ENTPD7: variants seen among roughly 807,000 people sequenced by gnomAD.
The protein encoded by ENTPD7 is NTPDase 7.
A neutral mutation model predicts 77.9 loss-of-function variants in ENTPD7; 53 were observed. The observed-to-expected ratio is 0.68, with a 90% CI of 0.55 to 0.85. ENTPD7 has a LOEUF of 0.85. Ranked by LOEUF, ENTPD7 falls within the 40% of genes least tolerant of loss-of-function variation. ENTPD7 has a pLI of 0.00. For synonymous variants in ENTPD7, 248 were observed against 274.9 expected (o/e 0.90, Z 0.97); for missense variants, 636 against 743.7 (o/e 0.86, Z 1.68).
chr10:99,686,578 A>G (rs2035813866), intron 6 of ENTPD7, among the ~76,000 whole-genome samples: 1 of 152,062 alleles, frequency 6.6e-6, no homozygotes, highest in African/African-American at 2.4e-5. Flanking sequence ...TCTTCTTAAT[A>G]TTCTATTTCT....
chr10:99,687,335 C>T (rs1408297968), intron 6 of ENTPD7, among the ~76,000 whole-genome samples: 6 of 113,572 alleles, frequency 5.3e-5, no homozygotes, highest in African/African-American at 1.0e-4. Flanking sequence ...GTCGTGGTCT[C>T]GGCCCACTGC....
chr10:99,709,981 T>C lies in ENTPD7; in HGVS notation c.*5298T>C. The C allele has an allele frequency of 1.0e-6, 1 of 985,444 alleles. No homozygotes were observed. Among genetic ancestry groups the C allele is most frequent in the South Asian group, 4.7e-5 (1 of 21,288 alleles). 61.0% of individuals were successfully genotyped at this position (985,444 alleles called of 1,614,324 possible). On this transcript the variant is annotated 3_prime_UTR_variant, in exon 13 of 13. Transcript: ENST00000370489. ...TCACTTTTAAAATGTAATCCATCAT[T>C]GCTTGCCATTTTTATGAAAACCAAA...
intron 3 of ENTPD7, among the ~76,000 whole-genome samples, chr10:99,675,144 T>C (rs919121068): frequency 3.3e-5 from 5 of 152,182 alleles, no homozygotes; most frequent in Non-Finnish European, 5.9e-5. Flanking sequence ...TCCTTGAAAA[T>C]GAGTGAAATA....
intron 3 of ENTPD7, among the ~76,000 whole-genome samples, chr10:99,663,189 A>T (rs777111408): frequency 6.6e-6 from 1 of 152,192 alleles, no homozygotes; most frequent in Non-Finnish European, 1.5e-5. Context: ...ATATGACTGA[A>T]AAAGTCCCTA....
In ENTPD7 at chr10:99,696,089, AC is replaced by A. The variant is rs1420146252; in HGVS notation, c.979del (p.Val328PhefsTer2). On this transcript the variant is annotated frameshift_variant, in exon 9 of 13. Transcript: ENST00000370489. LOFTEE classifies it high-confidence loss of function. ...GGNFARQRYE[D>X]LVLNETLNKN... ...AACTTTGCCCGGCAGCGCTACGAAGACCTTGTTCTGAATGAAACTCTTAACA... is the reference window on the plus strand; with the variant it reads ...AACTTTGCCCGGCAGCGCTACGAAGACTTGTTCTGAATGAAACTCTTAACA... The A allele has an allele frequency of 1.2e-6, 2 of 1,613,936 alleles. No individual in the cohort carries two copies.
chr10:99,679,442 C>T lies in ENTPD7; in HGVS notation c.373C>T (p.Pro125Ser), dbSNP rs780203334. The T allele has an allele frequency of 1.2e-6, 2 of 1,612,956 alleles. No homozygotes were observed. Among genetic ancestry groups the T allele is most frequent in the Non-Finnish European group, 1.7e-6 (2 of 1,179,658 alleles). Residue 125 changes from proline to serine, a missense_variant, in exon 4 of 13, where the codon CCA (proline) becomes TCA (serine). Pro to Ser is a moderately conservative substitution (Grantham distance 74, BLOSUM62 -1). Transcript: ENST00000370489. Reference sequence around the variant, plus strand: ...ACAGATGAGAGACCGCAACAGCCAACCAGTGGTTAAAAAAATCAAGCCAGG... The same window carrying T: ...ACAGATGAGAGACCGCAACAGCCAATCAGTGGTTAAAAAAATCAAGCCAGG... ...IKQMRDRNSQPVVKKIKPGIS... is the reference protein window; with the variant it reads ...IKQMRDRNSQSVVKKIKPGIS...
rs776683834 is a variant in ENTPD7 at position 99,704,680 on chromosome 10, G to A, written c.1812G>A (p.Pro604=). ...VVPMMGVQVG[P] ...CCATGATGGGAGTACAGGTGGGGCC[G>A]TGAGGCTGGACCAGGACTAGAGAAG... Residue 604 remains proline, a synonymous_variant, in exon 13 of 13, where the codon CCG becomes CCA. Transcript: ENST00000370489. The A allele has an allele frequency of 2.2e-5, 36 of 1,612,264 alleles. No individual in the cohort carries two copies. Among genetic ancestry groups the A allele is most frequent in the East Asian group, 4.5e-5 (2 of 44,802 alleles).
At chr10:99,663,928 G>A (rs1034494569) in intron 3 of ENTPD7, among the ~76,000 whole-genome samples, 3 of 151,986 alleles carry the variant, frequency 2.0e-5, no homozygotes, top group African/African-American at 7.2e-5. Flanking sequence ...ACTATGTGAT[G>A]TTTTCCCACA....
chr10:99,698,718 T>A lies in ENTPD7; in HGVS notation c.1195T>A (p.Ser399Thr). The A allele has an allele frequency of 4.3e-6, 7 of 1,614,240 alleles. No individual in the cohort carries two copies. The highest frequency in any genetic ancestry group is 5.9e-6 in the Non-Finnish European group (7 of 1,180,038). Residue 399 changes from serine (S) to threonine (T), a missense_variant, in exon 10 of 13, where the codon TCA (serine) becomes ACA (threonine). By Grantham distance (58) the Ser-to-Thr change is moderately conservative (BLOSUM62 1). This residue lies in a region of ENTPD7 where 486 missense variants were observed against 556.5 expected (regional missense o/e 0.87). Transcript: ENST00000370489. ...LLARSNTSQA[S>T]LNGIYQSPID... ...GGCTCGCTCCAACACCAGCCAGGCC[T>A]CACTCAATGGCATATATCAATCGCC... is the stretch of plus-strand genomic sequence containing the variant.
Position 99,696,011 on chromosome 10 carries a change from A to T in ENTPD7, c.899A>T (p.His300Leu), listed in dbSNP as rs369563076. The T allele has an allele frequency of 6.2e-7, 1 of 1,614,202 alleles. No homozygotes were observed. The highest frequency in any genetic ancestry group is 8.5e-7 in the Non-Finnish European group (1 of 1,180,020). The part of the protein sequence containing the change: ...AEFNLGCDVQ[H>L]TEHVYRVYVT... ...TTCAACCTGGGCTGTGATGTGCAAC[A>T]CACTGAACACGTGTACAGGGTTTAT... Residue 300 changes from histidine to leucine, a missense_variant, in exon 9 of 13, where the codon CAC (histidine) becomes CTC (leucine). His to Leu is a moderately conservative substitution (Grantham distance 99). Coordinates refer to ENST00000370489, the MANE Select transcript of ENTPD7 (RefSeq NM_020354.5).
In ENTPD7 at chr10:99,710,535, C is replaced by A; in HGVS notation, c.*5852C>A. ...GTTTTTTCTACTGCTTCACATTAAA[C>A]AATAATTTTGTTGAATTTTGAATTC... is the stretch of plus-strand genomic sequence containing the variant. On this transcript the variant is annotated 3_prime_UTR_variant, in exon 13 of 13. Coordinates refer to ENST00000370489, the MANE Select transcript of ENTPD7 (RefSeq NM_020354.5). 2.0e-6 allele frequency: 2 copies of A among 985,362 alleles called. No individual in the cohort carries two copies. The highest frequency in any genetic ancestry group is 2.4e-6 in the Non-Finnish European group (2 of 829,928). The allele number at this position is 985,362 out of a possible 1,614,324, so 61.0% of individuals were successfully genotyped here. A position where few individuals can be genotyped will look rare whatever the true frequency, so the allele number is the denominator to read the frequency against.
chr10:99,683,281 T>G (rs1428467260), intron 5 of ENTPD7, among the ~76,000 whole-genome samples: 1 of 152,218 alleles, frequency 6.6e-6, no homozygotes, highest in East Asian at 1.9e-4. Context: ...GTTTGCTAAT[T>G]TATTAGCATT....
At chr10:99,702,441 T>G in intron 11 of ENTPD7, 71 bp from the exon 12 acceptor site, 1 of 1,315,126 alleles carries the variant, frequency 7.6e-7, no homozygotes, top group East Asian at 2.6e-5. Flanking sequence ...GAATACGGAG[T>G]GGCTTATTGC....
chr10:99,694,336 AAGGTTC>A (rs2035932987), intron 8 of ENTPD7, among the ~76,000 whole-genome samples: 1 of 152,166 alleles, frequency 6.6e-6, no homozygotes, highest in Non-Finnish European at 1.5e-5. Flanking sequence ...AAATGTTTTC[AAGGTTC>A]AGCCATCTCG....
At chr10:99,691,589 G>T in intron 8 of ENTPD7, 71 bp downstream of exon 8, 1 of 1,544,562 alleles carries the variant, frequency 6.5e-7, no homozygotes, top group South Asian at 1.2e-5. Context: ...ACTGTCTTTG[G>T]ACTTAGACCA....
At position 99,691,457 on chromosome 10, in the gene ENTPD7, G is replaced by A; in HGVS notation, c.782G>A (p.Gly261Glu). ...ACAGTAGGGATACTGGATATGGGAG[G>A]AGCCTCTCTCCAAATTGCTTATGAA... ...RRTVGILDMGGASLQIAYEVP... is the reference protein window; with the variant it reads ...RRTVGILDMGEASLQIAYEVP... Residue 261 changes from glycine (G) to glutamate (E), a missense_variant, in exon 8 of 13, where the codon GGA becomes GAA. Physicochemically the swap from Gly to Glu is moderately conservative, Grantham distance 98. Coordinates refer to ENST00000370489, the MANE Select transcript of ENTPD7 (RefSeq NM_020354.5). 6.2e-7 allele frequency: 1 copy of A among 1,614,080 alleles called. No individual in the cohort carries two copies. Among genetic ancestry groups the A allele is most frequent in the African/African-American group, 1.3e-5 (1 of 75,046 alleles).
intron 3 of ENTPD7, among the ~76,000 whole-genome samples, chr10:99,662,427 A>T (rs2035498666): frequency 6.6e-6 from 1 of 152,120 alleles, no homozygotes; most frequent in Non-Finnish European, 1.5e-5. Flanking sequence ...CACATCTAGA[A>T]CAAGAACCTA....
chr10:99,663,871 G>GTTC (rs2035516959), intron 3 of ENTPD7, among the ~76,000 whole-genome samples: 1 of 151,994 alleles, frequency 6.6e-6, no homozygotes, highest in Non-Finnish European at 1.5e-5. Flanking sequence ...TGTTGTTGTT[G>GTTC]TTCTCCCCTG....
Position 99,685,874 on chromosome 10 carries a change from G to C in ENTPD7, c.631G>C (p.Val211Leu), listed in dbSNP as rs756734808. 5 of 1,613,756 alleles carry C rather than the reference G, an allele frequency of 3.1e-6. No individual in the cohort carries two copies. In the South Asian group the frequency reaches 5.5e-5, roughly 18 times the overall value. ...DFLFSQSQAE[V>L]ISGKQEGVYA... ...CCTCTTTTCACAGTCTCAAGCAGAA[G>C]TGATCTCTGGGAAGCAGGAAGGTAC... is the stretch of plus-strand genomic sequence containing the variant. The change falls in exon 6 of 13, where the codon GTG becomes CTG. Residue 211 changes from valine (V) to leucine (L), a missense_variant. Transcript: ENST00000370489.
Sources: allele counts gnomAD v4.1 joint callset (sites outside exome capture counted in the v4.1 genomes callset), GRCh38; gene constraint gnomAD v4.1.1; regional missense constraint gnomAD v4.1.1; transcripts MANE v1.5; gene names NCBI Gene and HGNC (gene_info 2026-07-23, HGNC 2026-07-21).